Variants in MTRF1L observed in about 807,000 individuals in gnomAD.
MTRF1L encodes mitochondrial translation release factor 1 like.
MTRF1L carries 29 observed loss-of-function variants against 40.0 expected under a neutral mutation model. The observed-to-expected ratio is 0.73, with a 90% CI of 0.54 to 0.99. The LOEUF (loss-of-function observed/expected upper bound fraction) is 0.99, where lower values mean the gene tolerates loss of function less well. Among genes scored for constraint, MTRF1L ranks in the 50% least tolerant of loss-of-function variants. The pLI is 0.00. For missense variants in MTRF1L, 412 were observed against 464.5 expected, an observed-to-expected ratio of 0.89 and a Z score of 1.04; for synonymous variants, 150 against 175.8, an observed-to-expected ratio of 0.85 and a Z score of 1.16.
intron 5 of MTRF1L, among the ~76,000 whole-genome samples, chr6:152,991,695 C>T (rs887847627): frequency 4.6e-5 from 7 of 152,058 alleles, no homozygotes; most frequent in South Asian, 2.1e-4. Context: ...TACAGGTGCC[C>T]GCCATCACGC....
At chr6:152,998,471 A>T in intron 2 of MTRF1L, 79 bp downstream of exon 2, 1 of 1,050,234 alleles carries the variant, frequency 9.5e-7, no homozygotes, top group Non-Finnish European at 1.3e-6. Flanking sequence ...CAAGCTAGTC[A>T]CTTGTTTTTA....
chr6:152,994,757 G>A (rs765395736), intron 3 of MTRF1L, 81 bp from the exon 4 acceptor site: 4 of 1,531,524 alleles, frequency 2.6e-6, no homozygotes, highest in Middle Eastern at 1.7e-4. Flanking sequence ...ACTATCTTGA[G>A]GTATATTTTT....
chr6:152,994,556 T>C lies in MTRF1L; in HGVS notation c.644A>G (p.His215Arg), dbSNP rs200658267. 3.3e-5 allele frequency: 53 copies of C among 1,612,268 alleles called. No homozygotes were observed. Among genetic ancestry groups the C allele is most frequent in the Non-Finnish European group, 4.4e-5 (52 of 1,179,954 alleles). Residue 215 changes from histidine to arginine, a missense_variant, in exon 4 of 7, where the codon CAT becomes CGT. His to Arg is a conservative substitution (Grantham distance 29). Transcript: ENST00000367233. ...TATTGCTACAGTCATGGTGCTAGTA[T>C]GGACGCGGCCTTGCTTTTCTGTCTT... ...VPKTEKQGRV[H>R]TSTMTVAILP...
chr6:153,001,073 A>G (rs1025756861), intron 1 of MTRF1L, among the ~76,000 whole-genome samples: 2 of 151,960 alleles, frequency 1.3e-5, no homozygotes, highest in African/African-American at 4.8e-5. Flanking sequence ...GGGTTTTGCC[A>G]TGTTACCCAG....
chr6:152,993,571 A>G (rs1778605847), intron 4 of MTRF1L, among the ~76,000 whole-genome samples: 1 of 152,166 alleles, frequency 6.6e-6, no homozygotes, highest in Non-Finnish European at 1.5e-5. Flanking sequence ...ACATCTCTGC[A>G]ATGCTGACAG....
chr6:152,991,538 A>G (rs1452744457), intron 5 of MTRF1L: 6 of 424,746 alleles, frequency 1.4e-5, no homozygotes, highest in Non-Finnish European at 2.4e-5. Context: ...AATAGCACAA[A>G]GTCTTTCTTT....
chr6:152,989,974 A>AGAT lies in MTRF1L; in HGVS notation c.1061_1063dup (p.Tyr354_Leu355insHis). ...CAATGACTGTACAAGTTCATCCAGT[A>AGAT]GATAATCTCCTTGCATAAAAGTTTC... On this transcript the variant is annotated inframe_insertion, in exon 7 of 7. Transcript: ENST00000367233. The AGAT allele has an allele frequency of 6.2e-7, 1 of 1,613,784 alleles. No individual in the cohort carries two copies.
In MTRF1L at chr6:152,991,168, T is replaced by TA. The variant is rs1217316083; in HGVS notation, c.942+16dup. The TA allele has an allele frequency of 6.9e-7, 1 of 1,452,090 alleles. No individual in the cohort carries two copies. Among genetic ancestry groups the TA allele is most frequent in the Non-Finnish European group, 9.2e-7 (1 of 1,085,636 alleles). 90.0% of individuals were successfully genotyped at this position (1,452,090 alleles called of 1,614,324 possible). A position where few individuals can be genotyped will look rare whatever the true frequency, so the allele number is the denominator to read the frequency against. On this transcript the variant is annotated intron_variant, in intron 6 of 6. Coordinates refer to ENST00000367233, the MANE Select transcript of MTRF1L (RefSeq NM_019041.7). Reference sequence around the variant, plus strand: ...TATTTCTATCCTTTAAAAGCATTTTTAAAATTCTTTTTTTACCTGAATTTT... The same window carrying TA: ...TATTTCTATCCTTTAAAAGCATTTTTAAAAATTCTTTTTTTACCTGAATTTT...
In MTRF1L at chr6:152,995,161, G is replaced by C. The variant is rs999002339; in HGVS notation, c.498C>G (p.Thr166=). The C allele has an allele frequency of 6.2e-7, 1 of 1,601,748 alleles. No individual in the cohort carries two copies. The highest frequency in any genetic ancestry group is 1.3e-5 in the African/African-American group (1 of 74,300). ...YAAFKRWHFE[T]LEYFPSELGG... The stretch of plus-strand genomic sequence containing the variant: ...CTAGTTCACTTGGAAAATATTCCAG[G>C]GTTTCAAAATGCCATCTTTTAAATG... Residue 166 remains threonine, a synonymous_variant, in exon 3 of 7, where the codon ACC becomes ACG. Coordinates refer to ENST00000367233, the MANE Select transcript of MTRF1L (RefSeq NM_019041.7).
At chr6:152,998,849 A>C (rs1778810049) in intron 1 of MTRF1L, 1 of 287,660 alleles carries the variant, frequency 3.5e-6, no homozygotes, top group Non-Finnish European at 6.4e-6. Flanking sequence ...GTAAGTATAA[A>C]ATTTTTTTTC....
At chr6:152,998,345 GC>G in intron 2 of MTRF1L, 1 of 345,112 alleles carries the variant, frequency 2.9e-6, no homozygotes, top group South Asian at 7.3e-5. Flanking sequence ...CAAAATGTAT[GC>G]ATATATCAAA....
intron 6 of MTRF1L, chr6:152,990,665 A>G (rs1778476094): frequency 6.5e-6 from 1 of 152,778 alleles, no homozygotes; most frequent in South Asian, 2.1e-4. Context: ...TCTACTAAAA[A>G]TACAAAAAAT....
In MTRF1L at chr6:153,002,666, C is replaced by G. The variant is rs938960558; in HGVS notation, c.20G>C (p.Trp7Ser). The change falls in exon 1 of 7, where the codon TGG becomes TCG. Residue 7 changes from tryptophan to serine, a missense_variant. Physicochemically the swap from Trp to Ser is radical, Grantham distance 177 (BLOSUM62 -3). Transcript: ENST00000367233. MRSRVL[W>S]GAARWLWPRR... ...GGGCCAGAGCCACCGGGCAGCGCCC[C>G]ACAGAACCCGGGACCGCATCCTTAG... 5 of 1,500,016 alleles carry G rather than the reference C, an allele frequency of 3.3e-6. No individual in the cohort carries two copies. The highest frequency in any genetic ancestry group is 3.5e-6 in the Non-Finnish European group (4 of 1,129,340). 92.9% of individuals were successfully genotyped at this position (1,500,016 alleles called of 1,614,324 possible). A position where few individuals can be genotyped will look rare whatever the true frequency, so the allele number is the denominator to read the frequency against.
chr6:152,997,400 G>A (rs1418374425), intron 2 of MTRF1L, among the ~76,000 whole-genome samples: 1 of 152,190 alleles, frequency 6.6e-6, no homozygotes, highest in Non-Finnish European at 1.5e-5. Context: ...ATGCAGATCA[G>A]CTGGAGGCAA....
chr6:152,989,936 C>A lies in MTRF1L; in HGVS notation c.1102G>T (p.Asp368Tyr). ...ATAATTTCTACTAAAGATTCATAAT[C>A]GGCGTATTCCTTCAATGACTGTACA... ...ELVQSLKEYA[D>Y]YESLVEIISQ... is the part of the protein sequence containing the mutation. The change falls in exon 7 of 7, where the codon GAT (aspartate) becomes TAT (tyrosine). Residue 368 changes from aspartate to tyrosine, a missense_variant. Coordinates refer to ENST00000367233, the MANE Select transcript of MTRF1L (RefSeq NM_019041.7). The A allele has an allele frequency of 1.2e-6, 2 of 1,613,330 alleles. No individual in the cohort carries two copies. Among genetic ancestry groups the A allele is most frequent in the African/African-American group, 1.3e-5 (1 of 74,970 alleles).
chr6:152,994,883 G>A (rs6941558), intron 3 of MTRF1L: 145,818 of 734,852 alleles, frequency 0.2, 15,145 homozygotes, highest in Admixed American at 0.32. Flanking sequence ...GGGCTAATCA[G>A]TTGACATCAG....
At chr6:152,991,737 G>A (rs1778529266) in intron 5 of MTRF1L, among the ~76,000 whole-genome samples, 1 of 152,120 alleles carries the variant, frequency 6.6e-6, no homozygotes, top group Admixed American at 6.5e-5. Flanking sequence ...TTTTAGTAGA[G>A]ACGGGGTTTC....
chr6:152,989,812 A>G lies in MTRF1L; in HGVS notation c.*83T>C. ...CAACTGTGTTAACTCAACGTTTTTC[A>G]AGAGAGTAAGGGTACTTTCACCCTA... On this transcript the variant is annotated 3_prime_UTR_variant, in exon 7 of 7. Coordinates refer to ENST00000367233, the MANE Select transcript of MTRF1L (RefSeq NM_019041.7). The G allele has an allele frequency of 2.1e-6, 3 of 1,448,738 alleles. No individual in the cohort carries two copies. Among genetic ancestry groups the G allele is most frequent in the Non-Finnish European group, 2.8e-6 (3 of 1,089,922 alleles). The allele number at this position is 1,448,738 out of a possible 1,614,324, so 89.7% of individuals were successfully genotyped here.
At position 152,992,926 on chromosome 6, in the gene MTRF1L, C is replaced by T; in HGVS notation, c.736G>A (p.Ala246Thr). The T allele has an allele frequency of 6.2e-7, 1 of 1,612,850 alleles. No homozygotes were observed. The highest frequency in any genetic ancestry group is 8.5e-7 in the Non-Finnish European group (1 of 1,179,992). ...ACATGCTGCCCCCCAGCTCCACTGG[C>T]TCGCTTAGTGTCAATTCTCAAATCT... ...PKDLRIDTKR[A>T]SGAGGQHVNT... Residue 246 changes from alanine to threonine, a missense_variant, in exon 5 of 7, where the codon GCC becomes ACC. By Grantham distance (58) the Ala-to-Thr change is moderately conservative. Transcript: ENST00000367233.
Sources: allele counts gnomAD v4.1 joint callset (sites outside exome capture counted in the v4.1 genomes callset), GRCh38; gene constraint gnomAD v4.1.1; transcripts MANE v1.5; gene names NCBI Gene and HGNC (gene_info 2026-07-23, HGNC 2026-07-21).